The following ENAH variants were observed in gnomAD, a reference collection of about 807,000 sequenced individuals.
ENAH encodes protein enabled homolog.
Under a neutral mutation model 78.7 loss-of-function variants are expected in ENAH, and 23 were observed. The observed-to-expected ratio is 0.29, with a 90% CI of 0.21 to 0.41. The LOEUF (loss-of-function observed/expected upper bound fraction) is 0.41. Among genes scored for constraint, ENAH ranks in the 10% least tolerant of loss-of-function variants. ENAH has a pLI of 1.00. For missense variants in ENAH, 544 were observed against 691.0 expected, an observed-to-expected ratio of 0.79 and a Z score of 2.39; for synonymous variants, 226 against 241.0, an observed-to-expected ratio of 0.94 and a Z score of 0.58.
At chr1:225,524,823 A>C (rs760502020) in intron 4 of ENAH, among the ~76,000 whole-genome samples, 1 of 152,230 alleles carries the variant, frequency 6.6e-6, no homozygotes, top group Non-Finnish European at 1.5e-5. Context: ...CATGTTTCTT[A>C]GAATATGTTT....
At chr1:225,605,635 TC>T (rs2096952318) in intron 1 of ENAH, among the ~76,000 whole-genome samples, 1 of 152,166 alleles carries the variant, frequency 6.6e-6, no homozygotes, top group African/African-American at 2.4e-5. Context: ...GCTGTGCCCC[TC>T]CAACACCCAC....
chr1:225,528,434 A>G (rs1197756154), intron 4 of ENAH, among the ~76,000 whole-genome samples: 1 of 152,124 alleles, frequency 6.6e-6, no homozygotes, highest in Non-Finnish European at 1.5e-5. Context: ...ACATGGGGTG[A>G]GTTCCTAAAT....
rs532869832 is a variant in ENAH, at chr1:225,506,988, C to CT, written c.1538+962dup. On this transcript the variant is annotated intron_variant, in intron 11 of 13. Coordinates refer to ENST00000366843, the MANE Select transcript of ENAH (RefSeq NM_018212.6). ...ATACCTTTTAGTTTCTAAATACATA[C>CT]TTTTTTTTTTTCTGGGAAAAATACA... 6.6e-3 allele frequency among the ~76,000 whole-genome samples: 977 copies of CT among 147,650 alleles called. 4 individuals carry two copies. Among genetic ancestry groups the CT allele is most frequent in the Middle Eastern group, 0.043 (12 of 280 alleles).
At chr1:225,500,872 A>G (rs993452365) in intron 12 of ENAH, 120 bp downstream of exon 12, 10 of 920,750 alleles carry the variant, frequency 1.1e-5, no homozygotes, top group Middle Eastern at 2.2e-4. Flanking sequence ...TTTAATTTGT[A>G]TAACAATAGC....
chr1:225,610,103 G>C (rs754773369), intron 1 of ENAH, among the ~76,000 whole-genome samples: 41 of 151,094 alleles, frequency 2.7e-4, no homozygotes, highest in Non-Finnish European at 8.8e-5. Flanking sequence ...TTTAATTACA[G>C]AGGAAAGTAT....
chr1:225,643,973 T>C (rs1390416589), intron 1 of ENAH, among the ~76,000 whole-genome samples: 11 of 151,968 alleles, frequency 7.2e-5, no homozygotes. Context: ...AGTATAGATA[T>C]TATATATATG....
chr1:225,539,105 CAG>C (rs1351370543), intron 3 of ENAH, among the ~76,000 whole-genome samples: 6 of 152,198 alleles, frequency 3.9e-5, no homozygotes, highest in Non-Finnish European at 8.8e-5. Context: ...ACTCTTTAAT[CAG>C]AGCTCTTATC....
rs1425024599 is a variant in ENAH, at chr1:225,490,781, T to G, written c.*6994A>C. The G allele has an allele frequency of 1.3e-5, 2 of 152,230 alleles. No individual in the cohort carries two copies. The highest frequency in any genetic ancestry group is 1.9e-4 in the East Asian group (1 of 5,200). 9.4% of individuals were successfully genotyped at this position (152,230 alleles called of 1,614,324 possible). A position where few individuals can be genotyped will look rare whatever the true frequency, so the allele number is the denominator to read the frequency against. On this transcript the variant is annotated 3_prime_UTR_variant, in exon 14 of 14. Coordinates refer to ENST00000366843, the MANE Select transcript of ENAH (RefSeq NM_018212.6). ...TTTCCTCAGATAAACTATAAGCTAT[T>G]CTTCTCCTGGAAATTTAAGTGGCAA... is the stretch of plus-strand genomic sequence containing the variant.
chr1:225,498,307 C>T (rs773975260), intron 13 of ENAH, 40 bp downstream of exon 13: 224 of 1,497,884 alleles, frequency 1.5e-4, no homozygotes, highest in Non-Finnish European at 2.0e-4. Flanking sequence ...CAATCTTAAA[C>T]ATTGTTTTAT....
intron 1 of ENAH, among the ~76,000 whole-genome samples, chr1:225,639,705 AAC>A (rs374646635): frequency 0.018 from 2,527 of 138,450 alleles, 29 homozygotes; most frequent in East Asian, 0.026. Flanking sequence ...GGCGGGATTA[AAC>A]ACACACACAC....
intron 2 of ENAH, among the ~76,000 whole-genome samples, chr1:225,558,511 C>T (rs1321317755): frequency 6.6e-6 from 1 of 151,370 alleles, no homozygotes; most frequent in Non-Finnish European, 1.5e-5. Context: ...AGTGATGTCC[C>T]TTCTTTCTTC....
intron 1 of ENAH, among the ~76,000 whole-genome samples, chr1:225,592,387 T>C (rs918035291): frequency 2.0e-5 from 3 of 152,234 alleles, no homozygotes; most frequent in African/African-American, 7.2e-5. Context: ...GAACTTCCTA[T>C]GAAGTGCATC....
chr1:225,599,651 C>CA (rs371970312), intron 1 of ENAH, among the ~76,000 whole-genome samples: 2 of 151,584 alleles, frequency 1.3e-5, no homozygotes, highest in Non-Finnish European at 2.9e-5. Context: ...ACTAAAAATT[C>CA]AAAAAAATTA....
In ENAH at chr1:225,486,947, T is replaced by C. The variant is rs2096203621; in HGVS notation, c.*10828A>G. The stretch of plus-strand genomic sequence containing the variant: ...TAGGAAAGAAAGCTGAGGGAGAGAT[T>C]GATCCGATTTCAACGATGTGGCCAC... On this transcript the variant is annotated 3_prime_UTR_variant, in exon 14 of 14. Coordinates refer to ENST00000366843, the MANE Select transcript of ENAH (RefSeq NM_018212.6). The C allele has an allele frequency of 6.5e-6, 1 of 152,716 alleles. No individual in the cohort carries two copies. The highest frequency in any genetic ancestry group is 2.1e-4 in the South Asian group (1 of 4,816). 9.5% of individuals were successfully genotyped at this position (152,716 alleles called of 1,614,324 possible).
At chr1:225,598,978 G>A (rs2147980070) in intron 1 of ENAH, among the ~76,000 whole-genome samples, 1 of 152,254 alleles carries the variant, frequency 6.6e-6, no homozygotes, top group African/African-American at 2.4e-5. Context: ...GAGAGATCTG[G>A]TGGACACTAC....
chr1:225,640,918 C>CA (rs1205307425), intron 1 of ENAH, among the ~76,000 whole-genome samples: 7 of 121,728 alleles, frequency 5.8e-5, no homozygotes, highest in Non-Finnish European at 9.9e-5. Flanking sequence ...TTTTTTGAGA[C>CA]AGAGTCTCGT....
chr1:225,568,468 T>C (rs1050602017), intron 1 of ENAH, among the ~76,000 whole-genome samples: 4 of 152,230 alleles, frequency 2.6e-5, no homozygotes, highest in Admixed American at 1.3e-4. Flanking sequence ...AACTCTATGC[T>C]ATTAACCCAA....
chr1:225,552,134 CTTTTT>C (rs397983036), intron 3 of ENAH, among the ~76,000 whole-genome samples: 1 of 115,966 alleles, frequency 8.6e-6, no homozygotes, highest in African/African-American at 3.3e-5. Context: ...ACTCCTGATT[CTTTTT>C]TTTTTTTTTT....
intron 6 of ENAH, 108 bp from the exon 7 acceptor site, chr1:225,515,008 T>C: frequency 2.2e-6 from 2 of 889,810 alleles, no homozygotes; most frequent in East Asian, 2.5e-5. Flanking sequence ...GACTCATGTA[T>C]TTACTTAATG....
Sources: allele counts gnomAD v4.1 joint callset (sites outside exome capture counted in the v4.1 genomes callset), GRCh38; gene constraint gnomAD v4.1.1; transcripts MANE v1.5; gene names NCBI Gene and HGNC (gene_info 2026-07-23, HGNC 2026-07-21).